CPA5: variants seen among roughly 807,000 people sequenced by gnomAD.
CPA5 encodes the protein carboxypeptidase A5.
CPA5 carries 38 observed loss-of-function variants against 52.2 expected under a neutral mutation model. That is an observed-to-expected ratio of 0.73 (90% CI 0.56 to 0.95). CPA5 has a LOEUF of 0.95. Among genes scored for constraint, CPA5 ranks in the 40% least tolerant of loss-of-function variants. The probability of loss-of-function intolerance (pLI) is 0.00; values close to 1 mark genes in which losing one functional copy is unlikely to be tolerated. For missense variants in CPA5, 519 were observed against 566.7 expected (o/e 0.92, Z 0.86); for synonymous variants, 198 against 213.7 (o/e 0.93, Z 0.64).
At chr7:130,364,690 C>T (rs1795977934) in intron 10 of CPA5, among the ~76,000 whole-genome samples, 1 of 152,190 alleles carries the variant, frequency 6.6e-6, no homozygotes, top group Non-Finnish European at 1.5e-5. Flanking sequence ...TTATTTTTGA[C>T]CCATTACTTT....
chr7:130,367,999 G>A lies in CPA5; in HGVS notation c.1123+9G>A. On this transcript the variant is annotated intron_variant, in intron 12 of 12. Transcript: ENST00000474905. ...CATCAGCACCACCCTCTGTGAGTGA[G>A]CCTCCCCTGGCCCTGCTTCAGACAC... is the stretch of plus-strand genomic sequence containing the variant. 1.2e-6 allele frequency: 2 copies of A among 1,612,158 alleles called. No homozygotes were observed. Among genetic ancestry groups the A allele is most frequent in the Non-Finnish European group, 1.7e-6 (2 of 1,178,162 alleles).
intron 6 of CPA5, 112 bp from the exon 7 acceptor site, chr7:130,361,031 T>G: frequency 1.4e-6 from 1 of 700,756 alleles, no homozygotes; most frequent in Non-Finnish European, 2.5e-6. Context: ...AGGGTCTAAA[T>G]ACCCAAAGCA....
downstream of CPA5, chr7:130,368,759 C>G (rs1248960785): frequency 2.9e-6 from 2 of 682,406 alleles, no homozygotes; most frequent in Non-Finnish European, 4.9e-6. Flanking sequence ...GGCTACCACC[C>G]CTATGGGCTC....
At chr7:130,372,704 G>A (rs1554410060), downstream of CPA5, among the ~76,000 whole-genome samples, 1 of 152,204 alleles carries the variant, frequency 6.6e-6, no homozygotes, top group African/African-American at 2.4e-5. Flanking sequence ...GGTAAGCTGG[G>A]AAATAGCTCT....
chr7:130,370,278 GC>G (rs1225285240), downstream of CPA5, among the ~76,000 whole-genome samples: 1 of 152,178 alleles, frequency 6.6e-6, no homozygotes, highest in Non-Finnish European at 1.5e-5. Context: ...CAGGGGAACA[GC>G]CAGCAGCAGA....
intron 11 of CPA5, 54 bp from the exon 12 acceptor site, chr7:130,367,852 G>A (rs1796184488): frequency 6.8e-7 from 1 of 1,467,420 alleles, no homozygotes; most frequent in Non-Finnish European, 9.6e-7. Context: ...GTGGGGGAGT[G>A]TGTGGGAGCC....
chr7:130,372,889 C>A (rs185751850), downstream of CPA5, among the ~76,000 whole-genome samples: 114 of 152,296 alleles, frequency 7.5e-4, no homozygotes, highest in South Asian at 6.2e-3. Context: ...AGGACCTAAT[C>A]CTAAAGCCAT....
chr7:130,364,330 T>C (rs1056798768), intron 10 of CPA5, among the ~76,000 whole-genome samples: 1 of 152,136 alleles, frequency 6.6e-6, no homozygotes, highest in Non-Finnish European at 1.5e-5. Flanking sequence ...GTAGCTGGGA[T>C]TGCAGGTGCC....
At chr7:130,369,625 T>TTG (rs1412243016), downstream of CPA5, among the ~76,000 whole-genome samples, 1 of 151,794 alleles carries the variant, frequency 6.6e-6, no homozygotes, top group Admixed American at 6.6e-5. Flanking sequence ...GTGTGTGTGT[T>TTG]TGTGTGTGTG....
chr7:130,373,288 T>G (rs1188903551), downstream of CPA5, among the ~76,000 whole-genome samples: 4 of 133,146 alleles, frequency 3.0e-5, no homozygotes, highest in South Asian at 2.3e-4. Flanking sequence ...TTGCTGGTGG[T>G]TTTTTTTTTT....
intron 1 of CPA5, 191 bp downstream of exon 1, chr7:130,345,396 C>A (rs1794675177): frequency 6.6e-6 from 1 of 152,250 alleles, no homozygotes; most frequent in Admixed American, 6.5e-5. Context: ...CTGCCTTACC[C>A]CCACCCCCTG....
chr7:130,352,621 A>AG (rs1354932697), intron 5 of CPA5, among the ~76,000 whole-genome samples: 2 of 152,050 alleles, frequency 1.3e-5, no homozygotes, highest in African/African-American at 2.4e-5. Context: ...CCTGACAACT[A>AG]GGGGGGAGTC....
chr7:130,365,974 C>T (rs1377146590), intron 10 of CPA5, among the ~76,000 whole-genome samples: 2 of 152,352 alleles, frequency 1.3e-5, no homozygotes, highest in African/African-American at 4.8e-5. Flanking sequence ...TAACCAGGGT[C>T]CCCATCCCAG....
intron 10 of CPA5, among the ~76,000 whole-genome samples, chr7:130,364,434 C>A (rs1795963098): frequency 6.6e-6 from 1 of 152,324 alleles, no homozygotes; most frequent in South Asian, 2.1e-4. Flanking sequence ...TTCAGGTGAT[C>A]CACTCACCTC....
chr7:130,363,552 G>T, intron 10 of CPA5, 43 bp downstream of exon 10: 2 of 1,488,964 alleles, frequency 1.3e-6, no homozygotes, highest in Admixed American at 2.0e-5. Flanking sequence ...GAGAAGAGGT[G>T]TTGGCCCATG....
At chr7:130,357,395 G>T (rs1351255089) in intron 5 of CPA5, among the ~76,000 whole-genome samples, 1 of 152,134 alleles carries the variant, frequency 6.6e-6, no homozygotes, top group Admixed American at 6.6e-5. Flanking sequence ...GCTGAGGTGG[G>T]TGCATCACCT....
chr7:130,361,552 G>A (rs1795792519), intron 7 of CPA5, among the ~76,000 whole-genome samples: 1 of 152,120 alleles, frequency 6.6e-6, no homozygotes, highest in Admixed American at 6.5e-5. Flanking sequence ...GGGTGAGCTG[G>A]CGTTCTATTA....
intron 7 of CPA5, 22 bp downstream of exon 7, chr7:130,361,266 C>T: frequency 6.6e-7 from 1 of 1,508,916 alleles, no homozygotes; most frequent in Non-Finnish European, 9.2e-7. Flanking sequence ...CAATGTCAAC[C>T]TGTAGACTCT....
intron 10 of CPA5, among the ~76,000 whole-genome samples, chr7:130,364,101 C>T (rs1287578647): frequency 6.6e-6 from 1 of 152,174 alleles, no homozygotes; most frequent in Non-Finnish European, 1.5e-5. Context: ...GATCATGGCT[C>T]ACTGCAGCCT....
Sources: gnomAD v4.1 joint callset for allele counts (sites outside exome capture counted in the v4.1 genomes callset) on GRCh38, gnomAD v4.1.1 for gene constraint, MANE v1.5 for transcripts, NCBI Gene and HGNC (gene_info 2026-07-23, HGNC 2026-07-21) for gene names.